CACNA1I: variants seen among roughly 807,000 people sequenced by gnomAD.
The protein encoded by CACNA1I is calcium voltage-gated channel subunit alpha1 I.
In CACNA1I, 74 loss-of-function variants were observed where a neutral mutation model predicts 201.6. The observed-to-expected ratio is 0.37, with a 90% CI of 0.30 to 0.45. The LOEUF (loss-of-function observed/expected upper bound fraction) is 0.45. Among genes scored for constraint, CACNA1I ranks in the 20% least tolerant of loss-of-function variants. The pLI, the probability that CACNA1I is intolerant of heterozygous loss-of-function variation, is 1.00. For missense variants in CACNA1I, 2,346 were observed against 3,138.1 expected (o/e 0.75, Z 6.03); for synonymous variants, 1,431 against 1,345.2 (o/e 1.06, Z -1.40).
rs149727432 is a variant in CACNA1I, at chr22:39,674,536, G to A, written c.4854+503G>A. On this transcript the variant is annotated intron_variant, in intron 29 of 36. Transcript: ENST00000402142. The stretch of plus-strand genomic sequence containing the variant: ...GGGGCAGCATGAGACCCTGACCCAG[G>A]TGGGGATCTGAGAAGTTAGGGAAGT... 1.9e-3 allele frequency among the ~76,000 whole-genome samples: 292 copies of A among 152,330 alleles called. 1 individual carries two copies. The highest frequency in any genetic ancestry group is 6.9e-3 in the African/African-American group (288 of 41,568).
intron 1 of CACNA1I, among the ~76,000 whole-genome samples, chr22:39,573,699 G>C (rs1049432182): frequency 2.0e-5 from 3 of 152,168 alleles, no homozygotes; most frequent in Non-Finnish European, 4.4e-5. Flanking sequence ...TTTCTGGCCT[G>C]TTGGGCAAAC....
chr22:39,665,678 A>G lies in CACNA1I; in HGVS notation c.3978+54A>G, dbSNP rs136855. 360,340 of 1,594,494 alleles carry G rather than the reference A, an allele frequency of 0.23. 43,491 individuals carry two copies. The highest frequency in any genetic ancestry group is 0.36 in the African/African-American group (26,981 of 74,514). On this transcript the variant is annotated intron_variant, in intron 22 of 36. Coordinates refer to ENST00000402142, the MANE Select transcript of CACNA1I (RefSeq NM_021096.4). This position sits in a 1 kb window ranked among gnomAD's most constrained non-coding sequence, Gnocchi z 5.5. Reference sequence around the variant, plus strand: ...TGGGCTCTGTGACTGGGGAAAAGGAAGTCTCAGACAGCCAGGGGAGAGACT... The same window carrying G: ...TGGGCTCTGTGACTGGGGAAAAGGAGGTCTCAGACAGCCAGGGGAGAGACT...
intron 4 of CACNA1I, among the ~76,000 whole-genome samples, chr22:39,621,106 T>A (rs1933730559): frequency 6.6e-6 from 1 of 152,172 alleles, no homozygotes; most frequent in Non-Finnish European, 1.5e-5. Context: ...TCCAGGAACT[T>A]GACATCTGAT....
chr22:39,631,931 A>G (rs1455229379), intron 4 of CACNA1I, among the ~76,000 whole-genome samples: 2 of 152,058 alleles, frequency 1.3e-5, no homozygotes, highest in Non-Finnish European at 2.9e-5. Context: ...TTAGCTAATT[A>G]TGCCAGGGCT....
intron 1 of CACNA1I, among the ~76,000 whole-genome samples, chr22:39,580,891 C>T (rs544580741): frequency 2.0e-5 from 3 of 152,308 alleles, no homozygotes; most frequent in African/African-American, 7.2e-5. Context: ...GTGTTGGAGC[C>T]CAGCTATGTG....
At chr22:39,625,110 G>A (rs373278160) in intron 4 of CACNA1I, among the ~76,000 whole-genome samples, 1 of 151,988 alleles carries the variant, frequency 6.6e-6, no homozygotes, top group African/African-American at 2.4e-5. Context: ...GTTTCACTGT[G>A]TTGGCCAGGC....
intron 1 of CACNA1I, among the ~76,000 whole-genome samples, chr22:39,597,013 C>T (rs1932908008): frequency 6.6e-6 from 1 of 152,216 alleles, no homozygotes; most frequent in Non-Finnish European, 1.5e-5. Context: ...CTACTCCCGA[C>T]TCCAGTCATT....
In CACNA1I at chr22:39,673,978, A is replaced by C; in HGVS notation, c.4799A>C (p.Lys1600Thr). ...TCGCCCGCAGTGCTGAAGCTGTTGA[A>C]GATGGCCACAGGAATGCGGGCCCTG... ...LRIARVLKLL[K>T]MATGMRALLD... is the part of the protein sequence containing the mutation. Residue 1600 changes from lysine to threonine, a missense_variant, in exon 29 of 37, where the codon AAG becomes ACG. Physicochemically the swap from Lys to Thr is moderately conservative, Grantham distance 78. Coordinates refer to ENST00000402142, the MANE Select transcript of CACNA1I (RefSeq NM_021096.4). 1 of 1,613,288 alleles carries C rather than the reference A, an allele frequency of 6.2e-7. No homozygotes were observed. Among genetic ancestry groups the C allele is most frequent in the Non-Finnish European group, 8.5e-7 (1 of 1,179,852 alleles).
intron 8 of CACNA1I, 79 bp downstream of exon 8, chr22:39,646,960 C>A: frequency 7.0e-7 from 1 of 1,437,540 alleles, no homozygotes; most frequent in Non-Finnish European, 9.1e-7. Flanking sequence ...CCAGCAGGCC[C>A]AGCAGCCTCC....
At chr22:39,579,982 A>G (rs552993322) in intron 1 of CACNA1I, among the ~76,000 whole-genome samples, 3 of 152,344 alleles carry the variant, frequency 2.0e-5, no homozygotes, top group Non-Finnish European at 2.9e-5. Context: ...CAGCTCTTAC[A>G]TGAACTAATA....
At position 39,685,696 on chromosome 22, in the gene CACNA1I, C is replaced by A; in HGVS notation, c.6028-65C>A. On this transcript the variant is annotated intron_variant, in intron 36 of 36. Transcript: ENST00000402142. The surrounding 1 kb of genome is among the most constrained non-coding windows in gnomAD (Gnocchi z 5.0). The stretch of plus-strand genomic sequence containing the variant: ...CTGCTGCCTGCTGTGCGGGGGAGGG[C>A]GGCGTCCAGGTTGCTGGGGTGGGGG... 7.7e-7 allele frequency: 1 copy of A among 1,306,564 alleles called. No homozygotes were observed. The highest frequency in any genetic ancestry group is 9.9e-7 in the Non-Finnish European group (1 of 1,008,344). The allele number at this position is 1,306,564 out of a possible 1,614,324, so 80.9% of individuals were successfully genotyped here. A position where few individuals can be genotyped will look rare whatever the true frequency, so the allele number is the denominator to read the frequency against.
At chr22:39,654,836 G>A (rs1244370820) in intron 10 of CACNA1I, among the ~76,000 whole-genome samples, 1 of 152,144 alleles carries the variant, frequency 6.6e-6, no homozygotes, top group African/African-American at 2.4e-5. Flanking sequence ...ATGTGTACAA[G>A]GGGCAGGGCA....
At chr22:39,574,624 G>A (rs975151387) in intron 1 of CACNA1I, among the ~76,000 whole-genome samples, 1 of 152,156 alleles carries the variant, frequency 6.6e-6, no homozygotes, top group Non-Finnish European at 1.5e-5. Context: ...GCATTTGGGG[G>A]TTGACGGTGC....
chr22:39,650,966 C>A (rs962972672), intron 10 of CACNA1I, among the ~76,000 whole-genome samples: 2 of 152,120 alleles, frequency 1.3e-5, no homozygotes, highest in African/African-American at 4.8e-5. Flanking sequence ...ATGCCTCAGT[C>A]CACAGGCCCC....
chr22:39,592,999 G>A (rs908066747), intron 1 of CACNA1I, among the ~76,000 whole-genome samples: 3 of 152,220 alleles, frequency 2.0e-5, no homozygotes, highest in Non-Finnish European at 4.4e-5. Context: ...AAGCCTCCTG[G>A]GCTCTTGGAA....
At chr22:39,585,277 G>A (rs1932707786) in intron 1 of CACNA1I, among the ~76,000 whole-genome samples, 1 of 151,774 alleles carries the variant, frequency 6.6e-6, no homozygotes, top group South Asian at 2.1e-4. Flanking sequence ...TGGTCAGGCT[G>A]GTCTTGAACT....
intron 35 of CACNA1I, among the ~76,000 whole-genome samples, chr22:39,683,501 G>A (rs1283537106): frequency 1.3e-5 from 2 of 152,214 alleles, no homozygotes; most frequent in East Asian, 1.9e-4. Flanking sequence ...GGGCTGACCC[G>A]AGAGCCATTC....
At chr22:39,668,799 G>C (rs906924529) in intron 24 of CACNA1I, among the ~76,000 whole-genome samples, 1 of 152,164 alleles carries the variant, frequency 6.6e-6, no homozygotes, top group African/African-American at 2.4e-5. Context: ...GAGGTGGGGA[G>C]AGGAGGCAGG....
At chr22:39,581,694 C>G (rs561078812) in intron 1 of CACNA1I, among the ~76,000 whole-genome samples, 1 of 152,320 alleles carries the variant, frequency 6.6e-6, no homozygotes, top group African/African-American at 2.4e-5. Flanking sequence ...TTCTGCCCTG[C>G]TGCCTCCCTC....
Sources: allele counts gnomAD v4.1 joint callset (sites outside exome capture counted in the v4.1 genomes callset), GRCh38; gene constraint gnomAD v4.1.1; non-coding constraint Gnocchi (gnomAD v3.1); transcripts MANE v1.5; gene names NCBI Gene and HGNC (gene_info 2026-07-23, HGNC 2026-07-21).